The following UBTD1 variants were observed in gnomAD, a reference collection of about 807,000 sequenced individuals.
UBTD1 encodes ubiquitin domain-containing protein 1.
In UBTD1, 19 loss-of-function variants were observed where a neutral mutation model predicts 21.7. That is an observed-to-expected ratio of 0.87 (90% CI 0.61 to 1.28). UBTD1 has a LOEUF of 1.28. Among genes scored for constraint, UBTD1 ranks in the 50% most tolerant of loss-of-function variants. UBTD1 has a pLI of 0.00. For synonymous variants in UBTD1, 116 were observed against 135.1 expected (o/e 0.86, Z 0.98); for missense variants, 282 against 315.1 (o/e 0.89, Z 0.80).
At chr10:97,569,110 A>G (rs1172587338) in intron 2 of UBTD1, among the ~76,000 whole-genome samples, 2 of 152,260 alleles carry the variant, frequency 1.3e-5, no homozygotes, top group Non-Finnish European at 2.9e-5. Context: ...GGCGTGAGCC[A>G]CTGCGCCTGG....
At chr10:97,524,544 A>C (rs532833655) in intron 1 of UBTD1, among the ~76,000 whole-genome samples, 1 of 152,254 alleles carries the variant, frequency 6.6e-6, no homozygotes, top group South Asian at 2.1e-4. Flanking sequence ...GACTACGATG[A>C]CTTATGTCTC....
At chr10:97,566,269 A>T (rs2040716433) in intron 1 of UBTD1, among the ~76,000 whole-genome samples, 1 of 144,734 alleles carries the variant, frequency 6.9e-6, no homozygotes, top group Non-Finnish European at 1.5e-5. Flanking sequence ...GCATATTGAG[A>T]TTTTTTTTTT....
intron 1 of UBTD1, among the ~76,000 whole-genome samples, chr10:97,519,595 G>A (rs1330890387): frequency 6.6e-6 from 1 of 152,176 alleles, no homozygotes; most frequent in Non-Finnish European, 1.5e-5. Context: ...ACAGTCTCTG[G>A]GGATTGGGGC....
In UBTD1 at chr10:97,567,966, C is replaced by T. The variant is rs770827159; in HGVS notation, c.123C>T (p.Pro41=). 1 of 1,614,186 alleles carries T rather than the reference C, an allele frequency of 6.2e-7. No homozygotes were observed. The highest frequency in any genetic ancestry group is 1.1e-5 in the South Asian group (1 of 91,078). The change falls in exon 2 of 3, where the codon CCC becomes CCT. Residue 41 remains proline (P), a synonymous_variant. Transcript: ENST00000370664. ...GGCTTAAGTGGAAGAGCGACTACCC[C>T]ATGACTGACGGGCAGCTGCGGAGCA... ...KERLKWKSDY[P]MTDGQLRSKR... is the part of the protein sequence containing the mutation.
intron 1 of UBTD1, among the ~76,000 whole-genome samples, chr10:97,526,739 T>C (rs1417595780): frequency 6.7e-6 from 1 of 150,186 alleles, no homozygotes; most frequent in Non-Finnish European, 1.5e-5. Context: ...TAGTCCCAGC[T>C]ACTTGGGAGG....
At chr10:97,508,631 C>T (rs551965076) in intron 1 of UBTD1, among the ~76,000 whole-genome samples, 5 of 152,198 alleles carry the variant, frequency 3.3e-5, no homozygotes, top group Non-Finnish European at 7.3e-5. Flanking sequence ...GCTGTGAAGT[C>T]TGCAAAACTC....
chr10:97,552,126 C>CAG (rs2040640523), intron 1 of UBTD1, among the ~76,000 whole-genome samples: 1 of 151,378 alleles, frequency 6.6e-6, no homozygotes, highest in Admixed American at 6.6e-5. Flanking sequence ...CTTTGGGAGG[C>CAG]AGAAGAAGGA....
At chr10:97,511,243 CAT>C (rs1319721782) in intron 1 of UBTD1, among the ~76,000 whole-genome samples, 3 of 152,188 alleles carry the variant, frequency 2.0e-5, no homozygotes, top group African/African-American at 7.2e-5. Context: ...TACTTACACA[CAT>C]CTCATCTAAT....
intron 1 of UBTD1, among the ~76,000 whole-genome samples, chr10:97,514,597 C>T (rs2040436613): frequency 6.6e-6 from 1 of 152,128 alleles, no homozygotes; most frequent in African/African-American, 2.4e-5. Context: ...GCAGGGTCAC[C>T]TCGGATTCAG....
chr10:97,555,925 G>A (rs1407356437), intron 1 of UBTD1, among the ~76,000 whole-genome samples: 1 of 151,846 alleles, frequency 6.6e-6, no homozygotes, highest in African/African-American at 2.4e-5. Context: ...AATATGAGAG[G>A]GTCTCTCTCT....
intron 1 of UBTD1, among the ~76,000 whole-genome samples, chr10:97,525,303 C>T (rs556203510): frequency 7.9e-5 from 12 of 152,168 alleles, no homozygotes; most frequent in Non-Finnish European, 1.5e-4. Context: ...GTATGCTGGG[C>T]ACCGCAGATA....
chr10:97,544,712 C>T (rs755864358), intron 1 of UBTD1, among the ~76,000 whole-genome samples: 3 of 152,210 alleles, frequency 2.0e-5, no homozygotes, highest in South Asian at 2.1e-4. Flanking sequence ...AAATCATGGC[C>T]GGGGGCAGTG....
At chr10:97,545,387 C>CGTGTGGGT (rs141608116) in intron 1 of UBTD1, among the ~76,000 whole-genome samples, 78,362 of 120,330 alleles carry the variant, frequency 0.65, 23,890 homozygotes, top group Non-Finnish European at 0.75. Flanking sequence ...GTATGGGGCT[C>CGTGTGGGT]GTGTGTGTGT....
At chr10:97,545,791 C>T (rs2040608113) in intron 1 of UBTD1, among the ~76,000 whole-genome samples, 1 of 152,194 alleles carries the variant, frequency 6.6e-6, no homozygotes, top group Admixed American at 6.5e-5. Flanking sequence ...CCAGGTAGCT[C>T]AGTAAAGGGT....
intron 1 of UBTD1, among the ~76,000 whole-genome samples, chr10:97,524,815 G>T (rs1245355714): frequency 2.0e-5 from 3 of 152,190 alleles, no homozygotes; most frequent in African/African-American, 7.2e-5. Context: ...AAGTTGGGTT[G>T]CAGCCATGTC....
At chr10:97,501,870 C>A (rs555554037) in intron 1 of UBTD1, among the ~76,000 whole-genome samples, 1 of 152,270 alleles carries the variant, frequency 6.6e-6, no homozygotes, top group African/African-American at 2.4e-5. Flanking sequence ...CCCTCCGCAC[C>A]CCACCACACA....
intron 1 of UBTD1, among the ~76,000 whole-genome samples, chr10:97,521,811 A>T (rs2040467988): frequency 6.6e-6 from 1 of 152,208 alleles, no homozygotes; most frequent in South Asian, 2.1e-4. Context: ...TCTGGCATGG[A>T]GGCTGGCACT....
rs58308271 is a variant in UBTD1, at chr10:97,534,579, GCACA to G, written c.71-33305_71-33302del. Among the ~76,000 whole-genome samples the G allele has an allele frequency of 8.2e-3, 1,198 of 145,308 alleles. 8 individuals are homozygous for G. The highest frequency in any genetic ancestry group is 9.2e-3 in the South Asian group (42 of 4,562). ...CACTAAGGAACACACACGCGCGCGCGCACACACACACACACACACACACACACAC... is the reference window on the plus strand; with the variant it reads ...CACTAAGGAACACACACGCGCGCGCGCACACACACACACACACACACACAC... On this transcript the variant is annotated intron_variant, in intron 1 of 2. Coordinates refer to ENST00000370664, the MANE Select transcript of UBTD1 (RefSeq NM_024954.5).
intron 1 of UBTD1, among the ~76,000 whole-genome samples, chr10:97,548,649 C>T (rs1468579677): frequency 1.3e-5 from 2 of 152,148 alleles, no homozygotes; most frequent in Admixed American, 6.5e-5. Context: ...TGGTGGCACA[C>T]GCCTGTAATC....
Sources: allele counts gnomAD v4.1 joint callset (sites outside exome capture counted in the v4.1 genomes callset), GRCh38; gene constraint gnomAD v4.1.1; transcripts MANE v1.5; gene names NCBI Gene and HGNC (gene_info 2026-07-23, HGNC 2026-07-21).